Variants in DPYSL5 observed in about 807,000 individuals in gnomAD.
The protein encoded by DPYSL5 is dihydropyrimidinase like 5.
DPYSL5 carries 9 observed loss-of-function variants against 58.4 expected under a neutral mutation model. The ratio of observed to expected loss-of-function variants is 0.15; its 90% confidence interval spans 0.09 to 0.27. The LOEUF (loss-of-function observed/expected upper bound fraction) is 0.27, where lower values mean the gene tolerates loss of function less well. DPYSL5 is among the 10% of genes least tolerant of loss of function. The probability of loss-of-function intolerance (pLI) is 1.00; values close to 1 mark genes in which losing one functional copy is unlikely to be tolerated. For synonymous variants in DPYSL5, 293 were observed against 301.9 expected (o/e 0.97, Z 0.31); for missense variants, 499 against 770.6 (o/e 0.65, Z 4.17).
intron 1 of DPYSL5, among the ~76,000 whole-genome samples, chr2:26,888,218 TTTC>T (rs777973328): frequency 1.1e-5 from 1 of 92,450 alleles, no homozygotes. Flanking sequence ...CTTTTCTTTC[TTTC>T]TTTCTTTCTT....
intron 5 of DPYSL5, among the ~76,000 whole-genome samples, chr2:26,930,831 G>A (rs947604121): frequency 5.3e-5 from 8 of 152,036 alleles, no homozygotes; most frequent in East Asian, 1.9e-4. Flanking sequence ...AAAATTAGTC[G>A]GGCATGGTGG....
At chr2:26,943,372 G>A (rs1364083109) in intron 11 of DPYSL5, among the ~76,000 whole-genome samples, 15 of 152,206 alleles carry the variant, frequency 9.9e-5, no homozygotes, top group Admixed American at 9.8e-4. Context: ...TTTCGTGATC[G>A]CAGGGCTAAA....
At chr2:26,932,450 C>T (rs1198990801) in intron 6 of DPYSL5, among the ~76,000 whole-genome samples, 1 of 152,232 alleles carries the variant, frequency 6.6e-6, no homozygotes, top group Non-Finnish European at 1.5e-5. Context: ...AACTCTACAT[C>T]CTCCTAATGT....
intron 1 of DPYSL5, among the ~76,000 whole-genome samples, chr2:26,866,732 C>CTTTT (rs1298358466): frequency 7.5e-6 from 1 of 132,926 alleles, no homozygotes; most frequent in African/African-American, 3.0e-5. Context: ...AATTCTTCTT[C>CTTTT]TTTTTTTTTT....
In DPYSL5 at chr2:26,933,375, G is replaced by A. The variant is rs760937177; in HGVS notation, c.790+42G>A. ...GGCTGGACAGAGCAGGTCAAGTGGA[G>A]GGACTGGAGATGGATGGGGCCCATT... On this transcript the variant is annotated intron_variant, in intron 7 of 12. Transcript: ENST00000288699. This position sits in a 1 kb window ranked among gnomAD's most constrained non-coding sequence, Gnocchi z 4.2. 5.7e-6 allele frequency: 9 copies of A among 1,584,610 alleles called. No individual in the cohort carries two copies. In the East Asian group the frequency reaches 1.6e-4, roughly 28 times the overall value.
intron 12 of DPYSL5, among the ~76,000 whole-genome samples, chr2:26,946,614 C>T (rs903015450): frequency 2.7e-4 from 41 of 152,190 alleles, no homozygotes; most frequent in African/African-American, 9.4e-4. Flanking sequence ...CCTGCATGTA[C>T]GAGAGACTGT....
rs1447438968 is a variant in DPYSL5 at position 26,942,124 on chromosome 2, G to A, written c.1232+32G>A. 5 of 1,611,292 alleles carry A rather than the reference G, an allele frequency of 3.1e-6. No homozygotes were observed. In the African/African-American group the frequency reaches 6.7e-5, roughly 22 times the overall value. On this transcript the variant is annotated intron_variant, in intron 10 of 12. Transcript: ENST00000288699. This position sits in a 1 kb window ranked among gnomAD's most constrained non-coding sequence, Gnocchi z 5.9. ...TTTGTTGCTCGTCCCCAGGGCTAGA[G>A]GGGCTTGGGATTTTGAAGAAGACTT...
chr2:26,883,955 G>A lies in DPYSL5; in HGVS notation c.-4-14541G>A, dbSNP rs542038126. Among the ~76,000 whole-genome samples, 5 of 152,182 alleles carry A rather than the reference G, an allele frequency of 3.3e-5. No homozygotes were observed. The South Asian group carries it at 6.2e-4, about 19-fold the overall frequency. ...AGGTCTCCAGCTGAGAAGAGCCCCC[G>A]CCCCGTTTCCTGGCAGTGGGTGTGA... On this transcript the variant is annotated intron_variant, in intron 1 of 12. Coordinates refer to ENST00000288699, the MANE Select transcript of DPYSL5 (RefSeq NM_020134.4).
Position 26,898,453 on chromosome 2 carries a change from G to A in DPYSL5, c.-4-43G>A, listed in dbSNP as rs746178407. On this transcript the variant is annotated intron_variant, in intron 1 of 12. Coordinates refer to ENST00000288699, the MANE Select transcript of DPYSL5 (RefSeq NM_020134.4). The surrounding 1 kb of genome is among the most constrained non-coding windows in gnomAD (Gnocchi z 6.1). ...TAGGAGGGATGGGAAACTGGAAACA[G>A]TGAGAAGGGACTTTGACCTTGACCA... The A allele has an allele frequency of 1.9e-6, 3 of 1,595,410 alleles. No individual in the cohort carries two copies. Among genetic ancestry groups the A allele is most frequent in the Non-Finnish European group, 2.6e-6 (3 of 1,168,086 alleles).
intron 2 of DPYSL5, among the ~76,000 whole-genome samples, chr2:26,901,913 C>T (rs1664169572): frequency 1.3e-5 from 2 of 152,084 alleles, no homozygotes; most frequent in African/African-American, 4.8e-5. Flanking sequence ...GATTTCTCTC[C>T]AGTACTTCTT....
chr2:26,922,003 G>T (rs1420402147), intron 2 of DPYSL5, among the ~76,000 whole-genome samples: 1 of 152,102 alleles, frequency 6.6e-6, no homozygotes, highest in Non-Finnish European at 1.5e-5. Flanking sequence ...CCTCTTCCCA[G>T]GGCTCTGGAC....
intron 1 of DPYSL5, among the ~76,000 whole-genome samples, chr2:26,890,823 TCTCACTGTGTC>T (rs1170673275): frequency 6.6e-6 from 1 of 152,176 alleles, no homozygotes; most frequent in Non-Finnish European, 1.5e-5. Flanking sequence ...ATAGCTGCCT[TCTCACTGTGTC>T]CTCACACGGC....
chr2:26,931,837 A>G (rs1433803795), intron 6 of DPYSL5, among the ~76,000 whole-genome samples, 153 bp downstream of exon 6: 1 of 151,628 alleles, frequency 6.6e-6, no homozygotes, highest in African/African-American at 2.4e-5. Flanking sequence ...GTGAAACCCC[A>G]TTGCTACTAA....
chr2:26,889,660 C>G (rs1216599353), intron 1 of DPYSL5, among the ~76,000 whole-genome samples: 1 of 151,704 alleles, frequency 6.6e-6, no homozygotes, highest in African/African-American at 2.4e-5. Context: ...AAGAGAGTCC[C>G]TTTATGGTGC....
intron 1 of DPYSL5, among the ~76,000 whole-genome samples, chr2:26,864,896 G>A (rs1022794102): frequency 6.6e-6 from 1 of 152,132 alleles, no homozygotes; most frequent in Non-Finnish European, 1.5e-5. Flanking sequence ...TATGTGCTGA[G>A]GGGAGTCCAA....
At position 26,927,830 on chromosome 2, in the gene DPYSL5, C is replaced by T. The variant is rs1664864676; in HGVS notation, c.600+398C>T. The stretch of plus-strand genomic sequence containing the variant: ...ATCTGAGACATTAAAGAGATCTATT[C>T]ATGGCACCAGGAAGGATAAGCCTCT... On this transcript the variant is annotated intron_variant, in intron 4 of 12. Transcript: ENST00000288699. This position sits in a 1 kb window ranked among gnomAD's most constrained non-coding sequence, Gnocchi z 4.3. 6.6e-6 allele frequency among the ~76,000 whole-genome samples: 1 copy of T among 152,150 alleles called. No individual in the cohort carries two copies. The highest frequency in any genetic ancestry group is 2.1e-4 in the South Asian group (1 of 4,828).
intron 2 of DPYSL5, among the ~76,000 whole-genome samples, chr2:26,899,715 C>G (rs1428270130): frequency 6.6e-6 from 1 of 152,180 alleles, no homozygotes; most frequent in Non-Finnish European, 1.5e-5. Flanking sequence ...AGACCAGACC[C>G]TTGGAAGGCT....
chr2:26,886,393 G>C (rs1663721370), intron 1 of DPYSL5, among the ~76,000 whole-genome samples: 1 of 152,114 alleles, frequency 6.6e-6, no homozygotes, highest in African/African-American at 2.4e-5. Context: ...TTACATGTAG[G>C]TCATAAATAT....
rs1235111105 is a variant in DPYSL5 at position 26,927,986 on chromosome 2, G to A, written c.601-269G>A. Among the ~76,000 whole-genome samples the A allele has an allele frequency of 6.6e-6, 1 of 152,174 alleles. No individual in the cohort carries two copies. Among genetic ancestry groups the A allele is most frequent in the South Asian group, 2.1e-4 (1 of 4,824 alleles). ...AGAGTGCTTGTCTTTGGTGTCCCAG[G>A]CCTGTTGCTAGTTATAATACTTAAC... On this transcript the variant is annotated intron_variant, in intron 4 of 12. Coordinates refer to ENST00000288699, the MANE Select transcript of DPYSL5 (RefSeq NM_020134.4). The surrounding 1 kb of genome is among the most constrained non-coding windows in gnomAD (Gnocchi z 4.3).
Sources: allele counts gnomAD v4.1 joint callset (sites outside exome capture counted in the v4.1 genomes callset), GRCh38; gene constraint gnomAD v4.1.1; non-coding constraint Gnocchi (gnomAD v3.1); transcripts MANE v1.5; gene names NCBI Gene and HGNC (gene_info 2026-07-23, HGNC 2026-07-21).